Variants in PDGFC observed in about 807,000 individuals in gnomAD.
PDGFC encodes the protein platelet derived growth factor C, also known as platelet-derived growth factor C.
Under a neutral mutation model 35.5 loss-of-function variants are expected in PDGFC, and 12 were observed. The ratio of observed to expected loss-of-function variants is 0.34; its 90% confidence interval spans 0.22 to 0.55. The LOEUF is 0.55. Ranked by LOEUF, PDGFC falls within the 20% of genes least tolerant of loss-of-function variation. The pLI is 0.91. For synonymous variants in PDGFC, 159 were observed against 148.8 expected (o/e 1.07, Z -0.50); for missense variants, 322 against 412.4 (o/e 0.78, Z 1.90).
intron 1 of PDGFC, among the ~76,000 whole-genome samples, chr4:156,867,569 T>C (rs964846499): frequency 2.6e-5 from 4 of 152,172 alleles, no homozygotes; most frequent in Admixed American, 6.5e-5. Context: ...TTCAAGAGTA[T>C]TCATGTATCA....
chr4:156,967,031 T>C (rs1476813920), intron 1 of PDGFC, among the ~76,000 whole-genome samples: 1 of 151,610 alleles, frequency 6.6e-6, no homozygotes, highest in Admixed American at 6.6e-5. Flanking sequence ...TTTTTCTTTT[T>C]TTTTTTTTTT....
chr4:156,939,612 G>T (rs1731760746), intron 1 of PDGFC, among the ~76,000 whole-genome samples: 3 of 152,022 alleles, frequency 2.0e-5, no homozygotes, highest in Non-Finnish European at 4.4e-5. Context: ...TGCACAAAAT[G>T]TTTTATCGTT....
At position 156,912,184 on chromosome 4, in the gene PDGFC, A is replaced by T. The variant is rs144656547; in HGVS notation, c.118+58602T>A. On this transcript the variant is annotated intron_variant, in intron 1 of 5. Transcript: ENST00000502773. Reference sequence around the variant, plus strand: ...TCACTTCTTAGAGCACTGTATAGGAAATCAAGATTGAACAAGGGAAACCTT... The same window carrying T: ...TCACTTCTTAGAGCACTGTATAGGATATCAAGATTGAACAAGGGAAACCTT... 2.1e-3 allele frequency among the ~76,000 whole-genome samples: 313 copies of T among 152,276 alleles called. 3 individuals carry two copies. Among genetic ancestry groups the T allele is most frequent in the African/African-American group, 7.4e-3 (307 of 41,578 alleles).
intron 3 of PDGFC, among the ~76,000 whole-genome samples, chr4:156,809,023 C>T (rs1731851660): frequency 6.6e-6 from 1 of 151,982 alleles, no homozygotes; most frequent in African/African-American, 2.4e-5. Context: ...TCTCCTGTTT[C>T]TTCCAGTCCA....
intron 1 of PDGFC, chr4:156,886,626 A>G (rs1730382769): frequency 6.6e-6 from 1 of 152,192 alleles, no homozygotes; most frequent in Non-Finnish European, 1.5e-5. Context: ...ATCACAGTTG[A>G]ATATAATTAA....
At chr4:156,893,408 C>T (rs1223313850) in intron 1 of PDGFC, among the ~76,000 whole-genome samples, 1 of 151,912 alleles carries the variant, frequency 6.6e-6, no homozygotes, top group Non-Finnish European at 1.5e-5. Context: ...TCACACACTG[C>T]AGCCTCTAAC....
chr4:156,763,379 A>T (rs918124574), intron 5 of PDGFC, among the ~76,000 whole-genome samples, 173 bp from the exon 6 acceptor site: 21 of 152,010 alleles, frequency 1.4e-4, no homozygotes, highest in African/African-American at 2.4e-5. Context: ...AAAAAAAAAA[A>T]AAAAATCATC....
At chr4:156,960,273 T>TATATATATATAA (rs1390089950) in intron 1 of PDGFC, among the ~76,000 whole-genome samples, 12 of 147,558 alleles carry the variant, frequency 8.1e-5, no homozygotes, top group African/African-American at 2.5e-4. Context: ...TATATATATA[T>TATATATATATAA]AAAACTATAA....
chr4:156,818,303 T>C (rs1375687081), intron 2 of PDGFC, among the ~76,000 whole-genome samples: 1 of 151,898 alleles, frequency 6.6e-6, no homozygotes, highest in African/African-American at 2.4e-5. Context: ...AGCAAGTCTA[T>C]TGGAACCATT....
Position 156,826,174 on chromosome 4 carries a change from ATTTTTTTTTTTTTTTTTTT to A in PDGFC, c.315-15176_315-15158del, listed in dbSNP as rs59421806. On this transcript the variant is annotated intron_variant, in intron 2 of 5. Transcript: ENST00000502773. ...GCCACCATATCCAGCTTTGAGTTGGATTTTTTTTTTTTTTTTTTTTTTTTTTTTTTTTTTTGAGATGGAG... is the reference window on the plus strand; with the variant it reads ...GCCACCATATCCAGCTTTGAGTTGGATTTTTTTTTTTTTTTTGAGATGGAG... Among the ~76,000 whole-genome samples the A allele has an allele frequency of 8.0e-4, 35 of 43,796 alleles. No individual in the cohort carries two copies. In the East Asian group the frequency reaches 0.013, roughly 16 times the overall value. The allele number at this position is 43,796 out of a possible 152,430, so 28.7% of individuals were successfully genotyped here.
rs1318651379 is a variant in PDGFC at position 156,761,721 on chromosome 4, A to C, written c.*1369T>G. 6.6e-6 allele frequency: 1 copy of C among 152,648 alleles called. No individual in the cohort carries two copies. Among genetic ancestry groups the C allele is most frequent in the African/African-American group, 2.4e-5 (1 of 41,460 alleles). 9.5% of individuals were successfully genotyped at this position (152,648 alleles called of 1,614,324 possible). ...CGATATTAAGCATTTTACAAGCAAA[A>C]TATTTTACTGATTTTCTTTTAAATT... On this transcript the variant is annotated 3_prime_UTR_variant, in exon 6 of 6. Coordinates refer to ENST00000502773, the MANE Select transcript of PDGFC (RefSeq NM_016205.3).
intron 1 of PDGFC, among the ~76,000 whole-genome samples, chr4:156,907,087 T>C (rs947080673): frequency 6.6e-6 from 1 of 152,176 alleles, no homozygotes; most frequent in African/African-American, 2.4e-5. Flanking sequence ...ATGTAAATAC[T>C]TGGAGCCCAG....
intron 1 of PDGFC, among the ~76,000 whole-genome samples, chr4:156,939,414 T>C (rs1472808436): frequency 6.6e-6 from 1 of 152,040 alleles, no homozygotes; most frequent in African/African-American, 2.4e-5. Context: ...TAAAATCCTA[T>C]AGTCAGCAAG....
At chr4:156,809,050 C>G (rs554274311) in intron 3 of PDGFC, among the ~76,000 whole-genome samples, 1 of 152,040 alleles carries the variant, frequency 6.6e-6, no homozygotes, top group South Asian at 2.1e-4. Context: ...TATTGTTTTC[C>G]TAAACATAGT....
At chr4:156,803,434 C>A (rs1441465820) in intron 3 of PDGFC, among the ~76,000 whole-genome samples, 1 of 151,948 alleles carries the variant, frequency 6.6e-6, no homozygotes, top group Non-Finnish European at 1.5e-5. Context: ...GGATGGGGTG[C>A]TGGGAAATAT....
chr4:156,919,464 T>G (rs1167642785), intron 1 of PDGFC, among the ~76,000 whole-genome samples: 1 of 147,114 alleles, frequency 6.8e-6, no homozygotes, highest in Non-Finnish European at 1.5e-5. Context: ...CAAGTGGCAG[T>G]CTGGTTCAAT....
intron 1 of PDGFC, among the ~76,000 whole-genome samples, chr4:156,943,640 A>AAACCCCTACATTCATTTTCAGT (rs1731868190): frequency 6.6e-6 from 1 of 152,022 alleles, no homozygotes; most frequent in African/African-American, 2.4e-5. Flanking sequence ...TTGTTTTCAG[A>AAACCCCTACATTCATTTTCAGT]AACCCCTACA....
intron 1 of PDGFC, among the ~76,000 whole-genome samples, chr4:156,946,094 C>T (rs1731940377): frequency 1.3e-5 from 2 of 151,948 alleles, no homozygotes; most frequent in African/African-American, 4.8e-5. Context: ...AGGTTATGTC[C>T]TGCCTATTAA....
At chr4:156,888,565 T>C (rs999481969) in intron 1 of PDGFC, among the ~76,000 whole-genome samples, 2 of 152,214 alleles carry the variant, frequency 1.3e-5, no homozygotes, top group Admixed American at 6.5e-5. Flanking sequence ...TTGAGAAATC[T>C]CTCAGTTTAA....
Sources: allele counts gnomAD v4.1 joint callset (sites outside exome capture counted in the v4.1 genomes callset), GRCh38; gene constraint gnomAD v4.1.1; transcripts MANE v1.5; gene names NCBI Gene and HGNC (gene_info 2026-07-23, HGNC 2026-07-21).